BAZ2B: variants seen among roughly 807,000 people sequenced by gnomAD.
BAZ2B encodes bromodomain adjacent to zinc finger domain protein 2B.
Under a neutral mutation model 246.0 loss-of-function variants are expected in BAZ2B, and 91 were observed. That is an observed-to-expected ratio of 0.37 (90% confidence interval 0.31 to 0.44). The LOEUF is 0.44. BAZ2B is among the 20% of genes least tolerant of loss of function. BAZ2B has a pLI of 1.00. For missense variants in BAZ2B, 2,332 were observed against 2,533.7 expected (o/e 0.92, Z 1.71); for synonymous variants, 855 against 860.0 (o/e 0.99, Z 0.10).
chr2:159,363,854 A>C (rs1056354978), intron 27 of BAZ2B, among the ~76,000 whole-genome samples: 3 of 152,148 alleles, frequency 2.0e-5, no homozygotes, highest in Non-Finnish European at 4.4e-5. Context: ...GAGTCACCAG[A>C]AGATTAGGTG....
At chr2:159,329,772 G>C (rs957939167) in intron 34 of BAZ2B, among the ~76,000 whole-genome samples, 2 of 152,162 alleles carry the variant, frequency 1.3e-5, no homozygotes, top group Non-Finnish European at 2.9e-5. Flanking sequence ...CAGAAGCTTA[G>C]AAAGCTGTAC....
At chr2:159,641,734 A>G in the BAZ2B span, among the ~76,000 whole-genome samples, 1 of 152,088 alleles carries the variant, frequency 6.6e-6, no homozygotes, top group Non-Finnish European at 1.5e-5. Flanking sequence ...TGATTTTTGT[A>G]TATGGTGTAA....
the BAZ2B span, among the ~76,000 whole-genome samples, chr2:159,710,197 T>C: frequency 8.7e-5 from 13 of 149,230 alleles, no homozygotes; most frequent in African/African-American, 3.0e-4. Context: ...ACATCCATAA[T>C]TCCTAGCAAA....
intron 1 of BAZ2B, among the ~76,000 whole-genome samples, chr2:159,582,111 G>C (rs938579261): frequency 6.6e-6 from 1 of 151,960 alleles, no homozygotes; most frequent in Non-Finnish European, 1.5e-5. Context: ...TAAAGAAAAC[G>C]TATTTATATA....
chr2:159,597,924 C>A (rs955091888), intron 1 of BAZ2B, among the ~76,000 whole-genome samples: 7 of 152,174 alleles, frequency 4.6e-5, no homozygotes, highest in Non-Finnish European at 1.0e-4. Context: ...AAAACTTTCA[C>A]AATACACTAA....
At position 159,362,151 on chromosome 2, in the gene BAZ2B, C is replaced by A. The variant is rs554343632; in HGVS notation, c.4213+10894G>T. On this transcript the variant is annotated intron_variant, in intron 27 of 36. Transcript: ENST00000392783. ...AAAAAACAAACAAATTAAAAAAAAA[C>A]AGTGAACTGGACTGGAAAAAAAAAT... is the stretch of plus-strand genomic sequence containing the variant. 4.0e-5 allele frequency among the ~76,000 whole-genome samples: 5 copies of A among 124,738 alleles called. No individual in the cohort carries two copies. The East Asian group carries it at 1.1e-3, about 27-fold the overall frequency. 81.8% of individuals were successfully genotyped at this position (124,738 alleles called of 152,430 possible).
chr2:159,593,852 G>C (rs999676346), intron 1 of BAZ2B, among the ~76,000 whole-genome samples: 6 of 152,144 alleles, frequency 3.9e-5, no homozygotes, highest in African/African-American at 1.2e-4. Context: ...TATAAAATTT[G>C]CCATTTTTGC....
intron 1 of BAZ2B, 32 bp from the exon 2 acceptor site, chr2:159,555,897 CT>C (rs1166301058): frequency 1.3e-5 from 2 of 152,194 alleles, no homozygotes; most frequent in African/African-American, 4.8e-5. Context: ...TAGCAATCAG[CT>C]GAAGCATACT....
chr2:159,444,256 T>C (rs1444937294), intron 6 of BAZ2B: 1 of 152,132 alleles, frequency 6.6e-6, no homozygotes, highest in East Asian at 1.9e-4. Context: ...CCTGTGTCCC[T>C]GGGAGGAAAC....
chr2:159,466,342 G>GTCTTAGTCCTGTAAAT (rs981710642), intron 3 of BAZ2B, among the ~76,000 whole-genome samples: 4 of 152,162 alleles, frequency 2.6e-5, no homozygotes, highest in African/African-American at 9.7e-5. Flanking sequence ...TAAGTTTTAA[G>GTCTTAGTCCTGTAAAT]TCTTAGTCCT....
rs1376944366 is a variant in BAZ2B at position 159,432,997 on chromosome 2, AG to A, written c.1659del (p.Ser554LeufsTer19). The A allele has an allele frequency of 6.2e-7, 1 of 1,614,058 alleles. No individual in the cohort carries two copies. Among genetic ancestry groups the A allele is most frequent in the Non-Finnish European group, 8.5e-7 (1 of 1,180,032 alleles). On this transcript the variant is annotated frameshift_variant, in exon 9 of 37. Transcript: ENST00000392783. LOFTEE classifies it high-confidence loss of function. ...TGACTATGCAGGATGGGAGAGGCAG[AG>A]GGCATTACAGGTGTCTGATTGCCAG... ...RTPGNQTPVM[P>X]SASPILHSQG...
chr2:159,396,724 A>G (rs147325725), intron 19 of BAZ2B, among the ~76,000 whole-genome samples: 7 of 152,300 alleles, frequency 4.6e-5, no homozygotes, highest in Non-Finnish European at 1.0e-4. Context: ...AACAAACTCA[A>G]AATTCCCACT....
At chr2:159,371,673 G>A (rs1049562238) in intron 27 of BAZ2B, among the ~76,000 whole-genome samples, 13 of 152,044 alleles carry the variant, frequency 8.6e-5, no homozygotes, top group Admixed American at 5.2e-4. Context: ...TGCGTACTTT[G>A]CTCCCAGGTT....
chr2:159,412,042 G>A (rs2066915774), intron 14 of BAZ2B: 1 of 848,136 alleles, frequency 1.2e-6, no homozygotes, highest in Admixed American at 6.2e-5. Flanking sequence ...CTTAAGGCAT[G>A]TGCCAAGTGC....
intron 1 of BAZ2B, among the ~76,000 whole-genome samples, chr2:159,602,364 G>T (rs968649893): frequency 1.2e-4 from 19 of 152,150 alleles, no homozygotes; most frequent in Admixed American, 1.2e-3. Flanking sequence ...TGGCTCACAA[G>T]AGTCAACTGA....
chr2:159,524,324 G>C (rs1002962503), intron 2 of BAZ2B, among the ~76,000 whole-genome samples: 12 of 152,070 alleles, frequency 7.9e-5, no homozygotes, highest in Non-Finnish European at 1.6e-4. Context: ...GCATGGTGGT[G>C]CGCGCCTGTT....
At chr2:159,320,646 C>T (rs1286055939) in intron 36 of BAZ2B, among the ~76,000 whole-genome samples, 14 of 152,116 alleles carry the variant, frequency 9.2e-5, no homozygotes, top group Non-Finnish European at 1.9e-4. Flanking sequence ...ATAGGTTTCT[C>T]CAAAGATCAA....
At chr2:159,362,959 G>A (rs1462341828) in intron 27 of BAZ2B, among the ~76,000 whole-genome samples, 2 of 152,110 alleles carry the variant, frequency 1.3e-5, no homozygotes, top group Non-Finnish European at 2.9e-5. Flanking sequence ...TTACTGTGAG[G>A]CACGGTGTAC....
chr2:159,667,095 T>TAA, the BAZ2B span, among the ~76,000 whole-genome samples: 351 of 146,064 alleles, frequency 2.4e-3, 1 homozygote, highest in Middle Eastern at 0.011. Flanking sequence ...TAAAGTATAA[T>TAA]AAAAAAAAAG....
Sources: gnomAD v4.1 joint callset for allele counts (sites outside exome capture counted in the v4.1 genomes callset) on GRCh38, gnomAD v4.1.1 for gene constraint, MANE v1.5 for transcripts, NCBI Gene and HGNC (gene_info 2026-07-23, HGNC 2026-07-21) for gene names.